The following GRINA variants were observed in gnomAD, a reference collection of about 807,000 sequenced individuals.
The protein encoded by GRINA is glutamate ionotropic receptor NMDA type subunit associated protein 1, also known as protein lifeguard 1.
In GRINA, 26 loss-of-function variants were observed where a neutral mutation model predicts 42.5. The ratio of observed to expected loss-of-function variants is 0.61; its 90% CI spans 0.45 to 0.85. GRINA has a LOEUF of 0.85. GRINA is among the 40% of genes least tolerant of loss of function. The probability of loss-of-function intolerance (pLI) is 0.00; values close to 1 mark genes in which losing one functional copy is unlikely to be tolerated. For synonymous variants in GRINA, 256 were observed against 204.2 expected (o/e 1.25, Z -2.17); for missense variants, 475 against 481.5 (o/e 0.99, Z 0.13).
In GRINA at chr8:143,992,865, G is replaced by T. The variant is rs376058939; in HGVS notation, c.*24G>T. 1.4e-5 allele frequency: 23 copies of T among 1,606,786 alleles called. No homozygotes were observed. Among genetic ancestry groups the T allele is most frequent in the Non-Finnish European group, 1.9e-5 (22 of 1,176,284 alleles). ...AGCCGAGCTCCAGCTCGCTGTGCCCGCTCAGGTGGCACGGCTGGCCTGGAC... is the reference window on the plus strand; with the variant it reads ...AGCCGAGCTCCAGCTCGCTGTGCCCTCTCAGGTGGCACGGCTGGCCTGGAC... On this transcript the variant is annotated 3_prime_UTR_variant, in exon 7 of 7. Transcript: ENST00000395068.
Position 143,991,713 on chromosome 8 carries a change from A to AGGG in GRINA, c.403_404insGGG (p.Gln134_Glu135insGly). The AGGG allele has an allele frequency of 6.2e-7, 1 of 1,613,312 alleles. No individual in the cohort carries two copies. Among genetic ancestry groups the AGGG allele is most frequent in the Non-Finnish European group, 8.5e-7 (1 of 1,179,390 alleles). On this transcript the variant is annotated inframe_insertion, in exon 3 of 7. Coordinates refer to ENST00000395068, the MANE Select transcript of GRINA (RefSeq NM_001009184.2). The stretch of plus-strand genomic sequence containing the variant: ...TCAGCACCCCAGCATGGAAACTACC[A>AGGG]GGAGGAGGGTCCCCCATCCTACTAT...
intron 4 of GRINA, 65 bp from the exon 5 acceptor site, chr8:143,992,180 G>A (rs1554750644): frequency 1.3e-6 from 2 of 1,597,936 alleles, no homozygotes; most frequent in East Asian, 4.5e-5. Flanking sequence ...TGCTCATGAG[G>A]CAGGGGCCGG....
chr8:143,992,307 G>A lies in GRINA; in HGVS notation c.756G>A (p.Glu252=), dbSNP rs1834113006. 6 of 1,589,632 alleles carry A rather than the reference G, an allele frequency of 3.8e-6. No homozygotes were observed. The highest frequency in any genetic ancestry group is 5.1e-6 in the Non-Finnish European group (6 of 1,165,804). Residue 252 remains glutamate (E), a synonymous_variant, in exon 5 of 7, where the codon GAG becomes GAA. Transcript: ENST00000395068. ...TGATCGCCAGCTTCTACAACACCGA[G>A]GCAGTCATCATGGCCGTGGGCATCA... ...VGMIASFYNT[E]AVIMAVGITT...
rs1429469655 is a variant in GRINA at position 143,990,803 on chromosome 8, G to C, written c.-24-397G>C. ...AGCTGCTTAAGGGGCGGGATGCGGAGGGGAGGGTCCGGGCACACCCCACAC... is the reference window on the plus strand; with the variant it reads ...AGCTGCTTAAGGGGCGGGATGCGGACGGGAGGGTCCGGGCACACCCCACAC... On this transcript the variant is annotated intron_variant, in intron 1 of 6. Transcript: ENST00000395068. The surrounding 1 kb of genome is among the most constrained non-coding windows in gnomAD (Gnocchi z 5.6). 2 of 154,178 alleles carry C rather than the reference G, an allele frequency of 1.3e-5. No individual in the cohort carries two copies. Among genetic ancestry groups the C allele is most frequent in the Admixed American group, 1.3e-4 (2 of 15,330 alleles). 9.6% of individuals were successfully genotyped at this position (154,178 alleles called of 1,614,324 possible).
Position 143,992,049 on chromosome 8 carries a change from C to T in GRINA, c.664C>T (p.Arg222Ter), listed in dbSNP as rs2133065240. Residue 222 changes from arginine (R) to a stop codon, truncating the protein, a stop_gained, in exon 4 of 7, where the codon CGA becomes TGA. Coordinates refer to ENST00000395068, the MANE Select transcript of GRINA (RefSeq NM_001009184.2). LOFTEE classifies it high-confidence loss of function. Reference protein sequence around the residue: ...IVLSCCGDFRRKHPWNLVALS... With the variant: ...IVLSCCGDFR Reference sequence around the variant, plus strand: ...CCTCAGCTGTTGTGGGGACTTCCGGCGAAAGCACCCCTGGAACCTTGTTGC... The same window carrying T: ...CCTCAGCTGTTGTGGGGACTTCCGGTGAAAGCACCCCTGGAACCTTGTTGC... The T allele has an allele frequency of 6.2e-7, 1 of 1,613,896 alleles. No individual in the cohort carries two copies.
rs782690889 is a variant in GRINA, at chr8:143,991,958, C to T, written c.573C>T (p.Gly191=). The T allele has an allele frequency of 5.6e-6, 9 of 1,613,642 alleles. No homozygotes were observed. The highest frequency in any genetic ancestry group is 2.7e-5 in the African/African-American group (2 of 74,902). ...TCACTTTTGTTGCGGAGGTGAAGGGCTTTGTCCGGGAGAATGTCTGGACCT... is the reference window on the plus strand; with the variant it reads ...TCACTTTTGTTGCGGAGGTGAAGGGTTTTGTCCGGGAGAATGTCTGGACCT... ...SVFTFVAEVK[G]FVRENVWTYY... Residue 191 remains glycine (G), a synonymous_variant, in exon 4 of 7, where the codon GGC becomes GGT. Transcript: ENST00000395068.
chr8:143,992,057 C>T lies in GRINA; in HGVS notation c.672C>T (p.His224=), dbSNP rs1834107812. Residue 224 remains histidine (H), a synonymous_variant, in exon 4 of 7, where the codon CAC becomes CAT. Coordinates refer to ENST00000395068, the MANE Select transcript of GRINA (RefSeq NM_001009184.2). ...LSCCGDFRRK[H]PWNLVALSVL... is the part of the protein sequence containing the mutation. ...GTTGTGGGGACTTCCGGCGAAAGCACCCCTGGAACCTTGTTGCACTGGTAA... is the reference window on the plus strand; with the variant it reads ...GTTGTGGGGACTTCCGGCGAAAGCATCCCTGGAACCTTGTTGCACTGGTAA... The T allele has an allele frequency of 1.2e-6, 2 of 1,613,842 alleles. No homozygotes were observed. The highest frequency in any genetic ancestry group is 1.3e-5 in the African/African-American group (1 of 74,904).
rs781906385 is a variant in GRINA, at chr8:143,992,050, G to A, written c.665G>A (p.Arg222Gln). The change falls in exon 4 of 7, where the codon CGA becomes CAA. Residue 222 changes from arginine to glutamine, a missense_variant. Transcript: ENST00000395068. ...IVLSCCGDFR[R>Q]KHPWNLVALS... ...CTCAGCTGTTGTGGGGACTTCCGGCGAAAGCACCCCTGGAACCTTGTTGCA... is the reference window on the plus strand; with the variant it reads ...CTCAGCTGTTGTGGGGACTTCCGGCAAAAGCACCCCTGGAACCTTGTTGCA... 5.0e-6 allele frequency: 8 copies of A among 1,613,918 alleles called. No individual in the cohort carries two copies. Among genetic ancestry groups the A allele is most frequent in the East Asian group, 2.2e-5 (1 of 44,888 alleles).
Position 143,992,175 on chromosome 8 carries a change from A to G in GRINA, c.694-70A>G, listed in dbSNP as rs535765704. 1,847 of 1,601,880 alleles carry G rather than the reference A, an allele frequency of 1.2e-3. 4 individuals carry two copies. The highest frequency in any genetic ancestry group is 1.4e-3 in the Non-Finnish European group (1,662 of 1,172,304). On this transcript the variant is annotated intron_variant, in intron 4 of 6. Transcript: ENST00000395068. ...GGTCACCGTGGTTCTCCTTGTGCTC[A>G]TGAGGCAGGGGCCGGCAGGGGTGGC...
Position 143,991,817 on chromosome 8 carries a change from A to G in GRINA, c.492+13A>G. The G allele has an allele frequency of 6.2e-7, 1 of 1,609,794 alleles. No homozygotes were observed. The highest frequency in any genetic ancestry group is 1.3e-5 in the African/African-American group (1 of 74,962). The stretch of plus-strand genomic sequence containing the variant: ...CTTCATCCGCAAGGTGGGTAGGGGC[A>G]TCTCCAAGGCGGTGGGGGCTGTGGC... On this transcript the variant is annotated intron_variant, in intron 3 of 6. Coordinates refer to ENST00000395068, the MANE Select transcript of GRINA (RefSeq NM_001009184.2).
At position 143,992,292 on chromosome 8, in the gene GRINA, C is replaced by A; in HGVS notation, c.741C>A (p.Ser247Arg). ...CGTACATGGTGGGGATGATCGCCAG[C>A]TTCTACAACACCGAGGCAGTCATCA... Reference protein sequence around the residue: ...SLSYMVGMIASFYNTEAVIMA... With the variant: ...SLSYMVGMIARFYNTEAVIMA... Residue 247 changes from serine to arginine, a missense_variant, in exon 5 of 7, where the codon AGC becomes AGA. Coordinates refer to ENST00000395068, the MANE Select transcript of GRINA (RefSeq NM_001009184.2). 6.3e-7 allele frequency: 1 copy of A among 1,592,316 alleles called. No individual in the cohort carries two copies.
At position 143,992,381 on chromosome 8, in the gene GRINA, G is replaced by A. The variant is rs79740425; in HGVS notation, c.822+8G>A. The A allele has an allele frequency of 6.2e-7, 1 of 1,606,856 alleles. No individual in the cohort carries two copies. The highest frequency in any genetic ancestry group is 1.1e-5 in the South Asian group (1 of 90,682). On this transcript the variant is annotated splice_region_variant and intron_variant, in intron 5 of 6. Transcript: ENST00000395068. Reference sequence around the variant, plus strand: ...GTCATCTTCTCCATGCAGGTGAGGGGCCTCCCGTGGCTGGGCTGTGGCCGC... The same window carrying A: ...GTCATCTTCTCCATGCAGGTGAGGGACCTCCCGTGGCTGGGCTGTGGCCGC...
Position 143,992,624 on chromosome 8 carries a change from C to T in GRINA, c.966+16C>T. ...CTTCACCTGCGTGAGTGAGGGGTGA[C>T]CTTGGCCGGGGGCGGGATGCTGGGC... On this transcript the variant is annotated intron_variant, in intron 6 of 6. Coordinates refer to ENST00000395068, the MANE Select transcript of GRINA (RefSeq NM_001009184.2). The T allele has an allele frequency of 1.2e-6, 2 of 1,614,104 alleles. No individual in the cohort carries two copies. Among genetic ancestry groups the T allele is most frequent in the Non-Finnish European group, 1.7e-6 (2 of 1,180,012 alleles).
intron 6 of GRINA, 28 bp downstream of exon 6, chr8:143,992,636 G>T (rs199626619): frequency 6.2e-7 from 1 of 1,614,062 alleles, no homozygotes; most frequent in East Asian, 2.2e-5. Context: ...TTGGCCGGGG[G>T]CGGGATGCTG....
At position 143,992,972 on chromosome 8, in the gene GRINA, T is replaced by C. The variant is rs994206037; in HGVS notation, c.*131T>C. 4.1e-6 allele frequency: 3 copies of C among 730,544 alleles called. No individual in the cohort carries two copies. The East Asian group carries it at 8.1e-5, about 20-fold the overall frequency. The allele number at this position is 730,544 out of a possible 1,614,324, so 45.3% of individuals were successfully genotyped here. A position where few individuals can be genotyped will look rare whatever the true frequency, so the allele number is the denominator to read the frequency against. On this transcript the variant is annotated 3_prime_UTR_variant, in exon 7 of 7. Coordinates refer to ENST00000395068, the MANE Select transcript of GRINA (RefSeq NM_001009184.2). Reference sequence around the variant, plus strand: ...CAGCCTAGGGAAAAGGATGCCTCTCTCCAACCCTCCTGTATGTACACTGCA... The same window carrying C: ...CAGCCTAGGGAAAAGGATGCCTCTCCCCAACCCTCCTGTATGTACACTGCA...
In GRINA at chr8:143,991,373, C is replaced by T. The variant is rs782009112; in HGVS notation, c.150C>T (p.Ser50=). 5 of 1,206,768 alleles carry T rather than the reference C, an allele frequency of 4.1e-6. 1 individual carries two copies. In the South Asian group the frequency reaches 7.6e-5, roughly 18 times the overall value. The allele number at this position is 1,206,768 out of a possible 1,614,324, so 74.8% of individuals were successfully genotyped here. The part of the protein sequence containing the change: ...APYPQPPFQP[S]PYGQPGYPHG... ...ACCCACAGCCCCCTTTCCAGCCCTC[C>T]CCCTACGGTCAGCCAGGGTACCCCC... Residue 50 remains serine (S), a synonymous_variant, in exon 2 of 7, where the codon TCC becomes TCT. Coordinates refer to ENST00000395068, the MANE Select transcript of GRINA (RefSeq NM_001009184.2).
Position 143,992,933 on chromosome 8 carries a change from C to T in GRINA, c.*92C>T, listed in dbSNP as rs575885316. ...AGTGCCAGCTGTACTTCCCCTCTCT[C>T]TTGTCCCCAGGCACAGCCTAGGGAA... On this transcript the variant is annotated 3_prime_UTR_variant, in exon 7 of 7. Coordinates refer to ENST00000395068, the MANE Select transcript of GRINA (RefSeq NM_001009184.2). The T allele has an allele frequency of 4.8e-5, 53 of 1,098,022 alleles. No homozygotes were observed. Among genetic ancestry groups the T allele is most frequent in the East Asian group, 2.8e-4 (11 of 39,760 alleles). The allele number at this position is 1,098,022 out of a possible 1,614,324, so 68.0% of individuals were successfully genotyped here. A position where few individuals can be genotyped will look rare whatever the true frequency, so the allele number is the denominator to read the frequency against.
rs1277187916 is a variant in GRINA, at chr8:143,990,627, C to G, written c.-25+428C>G. The G allele has an allele frequency of 1.3e-5, 2 of 152,244 alleles. No individual in the cohort carries two copies. Among genetic ancestry groups the G allele is most frequent in the African/African-American group, 4.8e-5 (2 of 41,426 alleles). The allele number at this position is 152,244 out of a possible 1,614,324, so 9.4% of individuals were successfully genotyped here. A position where few individuals can be genotyped will look rare whatever the true frequency, so the allele number is the denominator to read the frequency against. ...GTACCCCACTGGCAGGCACCGGCAG[C>G]CGATCCAGGCCCGATCCCCCCACCC... On this transcript the variant is annotated intron_variant, in intron 1 of 6. Coordinates refer to ENST00000395068, the MANE Select transcript of GRINA (RefSeq NM_001009184.2). The surrounding 1 kb of genome is among the most constrained non-coding windows in gnomAD (Gnocchi z 5.6).
chr8:143,991,016 G>A (rs1834083637), intron 1 of GRINA, 184 bp from the exon 2 acceptor site: 1 of 389,992 alleles, frequency 2.6e-6, no homozygotes, highest in Non-Finnish European at 4.6e-6. Context: ...CCACGGCGCC[G>A]CCCGTCCGGT....
Sources: gnomAD v4.1 joint callset for allele counts on GRCh38, gnomAD v4.1.1 for gene constraint, Gnocchi (gnomAD v3.1) non-coding constraint, MANE v1.5 for transcripts, NCBI Gene and HGNC (gene_info 2026-07-23, HGNC 2026-07-21) for gene names.